The following GHRL variants were observed in gnomAD, a reference collection of about 807,000 sequenced individuals.
GHRL encodes appetite-regulating hormone.
Under a neutral mutation model 16.9 loss-of-function variants are expected in GHRL, and 24 were observed. The ratio of observed to expected loss-of-function variants is 1.42; its 90% CI spans 1.03 to 2.00. The LOEUF (loss-of-function observed/expected upper bound fraction) is 2.00, where lower values mean the gene tolerates loss of function less well. GHRL is among the 30% of genes most tolerant of loss of function. The pLI is 0.00. For synonymous variants in GHRL, 63 were observed against 58.2 expected (o/e 1.08, Z -0.37); for missense variants, 193 against 142.1 (o/e 1.36, Z -1.82).
At position 10,290,775 on chromosome 3, in the gene GHRL, G is replaced by A; in HGVS notation, c.-89C>T. On this transcript the variant is annotated 5_prime_UTR_variant, in exon 2 of 6. Transcript: ENST00000335542. ...GTCAGGTCCTTATATAGGATGACTG[G>A]CGTTTGTTCTAAACCAGCAACCCCA... is the stretch of plus-strand genomic sequence containing the variant. 3.0e-6 allele frequency: 3 copies of A among 992,442 alleles called. No homozygotes were observed. Among genetic ancestry groups the A allele is most frequent in the South Asian group, 4.7e-5 (1 of 21,384 alleles). 61.5% of individuals were successfully genotyped at this position (992,442 alleles called of 1,614,324 possible). A position where few individuals can be genotyped will look rare whatever the true frequency, so the allele number is the denominator to read the frequency against.
rs756969269 is a variant in GHRL, at chr3:10,289,809, C to T, written c.178G>A (p.Glu60Lys). ...GCCCCTTCTGCTTGACCTCCATCTT[C>T]CGGGCGGAGCCAGCCTGCTAGAGCT... is the stretch of plus-strand genomic sequence containing the variant. The part of the protein sequence containing the change: ...PRALAGWLRP[E>K]DGGQAEGAED... The change falls in exon 4 of 6, where the codon GAA becomes AAA. Residue 60 changes from glutamate to lysine, a missense_variant. Coordinates refer to ENST00000335542, the MANE Select transcript of GHRL (RefSeq NM_016362.5). The T allele has an allele frequency of 6.2e-7, 1 of 1,613,802 alleles. No individual in the cohort carries two copies. The highest frequency in any genetic ancestry group is 1.1e-5 in the South Asian group (1 of 91,066).
At chr3:10,288,614 A>G (rs1363480957) in intron 4 of GHRL, among the ~76,000 whole-genome samples, 1 of 152,234 alleles carries the variant, frequency 6.6e-6, no homozygotes, top group Non-Finnish European at 1.5e-5. Flanking sequence ...AATCTAGTGG[A>G]TCCCACCGTG....
intron 1 of GHRL, 145 bp from the exon 2 acceptor site, chr3:10,291,596 A>G: frequency 2.8e-6 from 1 of 360,236 alleles, no homozygotes; most frequent in Non-Finnish European, 3.9e-6. Flanking sequence ...AACCTGTGAA[A>G]CACCCTGCAG....
rs759334712 is a variant in GHRL, at chr3:10,290,067, T to A, written c.108+6A>T. On this transcript the variant is annotated splice_donor_region_variant and intron_variant, in intron 3 of 5. Coordinates refer to ENST00000335542, the MANE Select transcript of GHRL (RefSeq NM_016362.5). Reference sequence around the variant, plus strand: ...CAACATGTGGGGCTTTGTGGGGAGGTCTCACCTGGACTCTCTGGTGTTCAG... The same window carrying A: ...CAACATGTGGGGCTTTGTGGGGAGGACTCACCTGGACTCTCTGGTGTTCAG... 2 of 1,610,518 alleles carry A rather than the reference T, an allele frequency of 1.2e-6. No homozygotes were observed. Among genetic ancestry groups the A allele is most frequent in the Non-Finnish European group, 1.7e-6 (2 of 1,178,838 alleles).
At chr3:10,287,913 A>ATTTTTTTTTT (rs1576049089) in intron 4 of GHRL, 5 of 87,962 alleles carry the variant, frequency 5.7e-5, no homozygotes, top group African/African-American at 6.9e-5. Context: ...GACATGATTG[A>ATTTTTTTTTT]ATTTTTTTTT....
At chr3:10,289,726 G>GCT (rs1559476129) in intron 4 of GHRL, 36 bp downstream of exon 4, 1 of 1,281,906 alleles carries the variant, frequency 7.8e-7, no homozygotes. Context: ...CACCCTCCTC[G>GCT]CTGCCACAGA....
rs1699150714 is a variant in GHRL at position 10,286,815 on chromosome 3, A to T, written c.226-3T>A. 6.3e-6 allele frequency: 10 copies of T among 1,583,582 alleles called. No individual in the cohort carries two copies. Among genetic ancestry groups the T allele is most frequent in the Non-Finnish European group, 8.7e-6 (10 of 1,152,248 alleles). ...CCAACATCAAAGGGGGCGTTGAACT[A>T]GGAGGCAGGGCAGGGAGGACCCAGG... On this transcript the variant is annotated splice_region_variant and splice_polypyrimidine_tract_variant and intron_variant, in intron 4 of 5. Coordinates refer to ENST00000335542, the MANE Select transcript of GHRL (RefSeq NM_016362.5).
At chr3:10,291,913 C>T (rs1700074717) in intron 1 of GHRL, among the ~76,000 whole-genome samples, 5 of 151,262 alleles carry the variant, frequency 3.3e-5, no homozygotes, top group Admixed American at 2.6e-4. Flanking sequence ...GAGGTGAAGG[C>T]GTGGGTAGAG....
intron 1 of GHRL, 28 bp from the exon 2 acceptor site, chr3:10,291,479 C>A: frequency 1.0e-6 from 1 of 985,156 alleles, no homozygotes; most frequent in Non-Finnish European, 1.2e-6. Context: ...ACGCTTAGCA[C>A]GGGCCTGGCT....
chr3:10,286,731 G>C lies in GHRL; in HGVS notation c.307C>G (p.Gln103Glu). The change falls in exon 5 of 6, where the codon CAG (glutamine) becomes GAG (glutamate). Residue 103 changes from glutamine to glutamate, a missense_variant. Coordinates refer to ENST00000335542, the MANE Select transcript of GHRL (RefSeq NM_016362.5). Reference sequence around the variant, plus strand: ...TTGGCCTCTTCCCAGAGGATGTCCTGAAGAAACTTCCCCAGGGCCTGGCTG... The same window carrying C: ...TTGGCCTCTTCCCAGAGGATGTCCTCAAGAAACTTCCCCAGGGCCTGGCTG... ...QHSQALGKFL[Q>E]DILWEEAKEA... 1 of 1,609,322 alleles carries C rather than the reference G, an allele frequency of 6.2e-7. No individual in the cohort carries two copies.
rs142557100 is a variant in GHRL, at chr3:10,290,858, G to A, written c.-172C>T. On this transcript the variant is annotated 5_prime_UTR_variant, in exon 2 of 6. Coordinates refer to ENST00000335542, the MANE Select transcript of GHRL (RefSeq NM_016362.5). ...TGTACATTCCTTGGGAACTAAAAATGTTCTTGTCCTCTGGGTAGAAGTCAA... is the reference window on the plus strand; with the variant it reads ...TGTACATTCCTTGGGAACTAAAAATATTCTTGTCCTCTGGGTAGAAGTCAA... 2.4e-4 allele frequency: 241 copies of A among 985,840 alleles called. No homozygotes were observed. The East Asian group carries it at 0.019, about 76-fold the overall frequency. The allele number at this position is 985,840 out of a possible 1,614,324, so 61.1% of individuals were successfully genotyped here. A position where few individuals can be genotyped will look rare whatever the true frequency, so the allele number is the denominator to read the frequency against.
At chr3:10,290,239 C>T (rs1183616550) in intron 2 of GHRL, 30 bp from the exon 3 acceptor site, 38 of 1,566,018 alleles carry the variant, frequency 2.4e-5, no homozygotes, top group South Asian at 9.4e-5. Flanking sequence ...CAGGCAGCTG[C>T]CTCCCCTTCT....
intron 2 of GHRL, chr3:10,290,414 C>G (rs564745430): frequency 1.9e-6 from 1 of 537,618 alleles, no homozygotes; most frequent in Non-Finnish European, 3.3e-6. Flanking sequence ...GGCAGAACAC[C>G]TGGCAGCAGG....
intron 1 of GHRL, chr3:10,292,618 C>A (rs528268847): frequency 1.9e-6 from 1 of 528,744 alleles, no homozygotes; most frequent in Non-Finnish European, 3.3e-6. Context: ...ATGAGCATGT[C>A]ACCAGGAGGT....
intron 5 of GHRL, 44 bp downstream of exon 5, chr3:10,286,660 G>T (rs1412502859): frequency 9.9e-7 from 1 of 1,014,378 alleles, no homozygotes. Flanking sequence ...CTCCCATGTG[G>T]GGCTGCAAGG....
In GHRL at chr3:10,291,145, TCC is replaced by T; in HGVS notation, c.-461_-460del. The T allele has an allele frequency of 1.0e-6, 1 of 985,716 alleles. No individual in the cohort carries two copies. The highest frequency in any genetic ancestry group is 1.2e-6 in the Non-Finnish European group (1 of 830,120). 61.1% of individuals were successfully genotyped at this position (985,716 alleles called of 1,614,324 possible). A position where few individuals can be genotyped will look rare whatever the true frequency, so the allele number is the denominator to read the frequency against. ...CTCCCCAGTCCAGCGCCCCGTTGTT[TCC>T]CATGTGCTGTTGCTGCTCTGGCCTC... On this transcript the variant is annotated 5_prime_UTR_variant, in exon 2 of 6. An upstream open reading frame in the 5' UTR loses its in-frame stop. Transcript: ENST00000335542.
At chr3:10,289,125 A>G (rs1576060781) in intron 4 of GHRL, among the ~76,000 whole-genome samples, 1 of 152,116 alleles carries the variant, frequency 6.6e-6, no homozygotes, top group Non-Finnish European at 1.5e-5. Context: ...TTTAGAAGAA[A>G]CCATTCCCTG....
chr3:10,285,804 C>A lies in GHRL; in HGVS notation c.*71G>T, dbSNP rs758555486. The A allele has an allele frequency of 6.4e-6, 8 of 1,257,398 alleles. No individual in the cohort carries two copies. In the South Asian group the frequency reaches 8.4e-5, roughly 13 times the overall value. The allele number at this position is 1,257,398 out of a possible 1,614,324, so 77.9% of individuals were successfully genotyped here. A position where few individuals can be genotyped will look rare whatever the true frequency, so the allele number is the denominator to read the frequency against. ...GCTTGTACAACAGTCGTGGGAGTTGCTGCAGAAGCAAGCGAAAAGCCAGAT... is the reference window on the plus strand; with the variant it reads ...GCTTGTACAACAGTCGTGGGAGTTGATGCAGAAGCAAGCGAAAAGCCAGAT... On this transcript the variant is annotated 3_prime_UTR_variant, in exon 6 of 6. Transcript: ENST00000335542.
intron 1 of GHRL, 47 bp downstream of exon 1, chr3:10,292,795 T>C: frequency 8.7e-7 from 1 of 1,151,638 alleles, no homozygotes; most frequent in Non-Finnish European, 1.2e-6. Context: ...AGAAAAATCC[T>C]AACTGTGGTG....
Sources: allele counts gnomAD v4.1 joint callset (sites outside exome capture counted in the v4.1 genomes callset), GRCh38; gene constraint gnomAD v4.1.1; transcripts MANE v1.5; gene names NCBI Gene and HGNC (gene_info 2026-07-23, HGNC 2026-07-21).